The following NMBR variants were observed in gnomAD, a reference collection of about 807,000 sequenced individuals.
NMBR encodes the protein neuromedin-B receptor.
Under a neutral mutation model 20.5 loss-of-function variants are expected in NMBR, and 16 were observed. The observed-to-expected ratio is 0.78, with a 90% CI of 0.53 to 1.19. The LOEUF (loss-of-function observed/expected upper bound fraction) is 1.19, where lower values mean the gene tolerates loss of function less well. Ranked by LOEUF, NMBR falls within the 50% of genes most tolerant of loss-of-function variation. NMBR has a pLI of 0.00. For missense variants in NMBR, 582 were observed against 499.1 expected (o/e 1.17, Z -1.58); for synonymous variants, 212 against 196.6 (o/e 1.08, Z -0.65).
At chr6:142,107,233 C>T (rs1041828009) in intron 1 of NMBR, among the ~76,000 whole-genome samples, 1 of 152,138 alleles carries the variant, frequency 6.6e-6, no homozygotes, top group Non-Finnish European at 1.5e-5. Flanking sequence ...GACCCACTCT[C>T]TTTATTCCAC....
chr6:142,119,156 T>C (rs147116668), intron 1 of NMBR, among the ~76,000 whole-genome samples: 45 of 152,006 alleles, frequency 3.0e-4, no homozygotes, highest in African/African-American at 8.9e-4. Context: ...CTCTAGGAAA[T>C]GACATAAGCT....
intron 1 of NMBR, among the ~76,000 whole-genome samples, chr6:142,136,893 C>T (rs1202067869): frequency 6.6e-6 from 1 of 152,170 alleles, no homozygotes; most frequent in Admixed American, 6.5e-5. Flanking sequence ...GTTTTGGTTA[C>T]TGTAGCCTTG....
In NMBR at chr6:142,078,867, C is replaced by T. The variant is rs149123905; in HGVS notation, c.459G>A (p.Thr153=). 141 of 1,613,138 alleles carry T rather than the reference C, an allele frequency of 8.7e-5. No homozygotes were observed. Among genetic ancestry groups the T allele is most frequent in the South Asian group, 4.5e-4 (41 of 91,034 alleles). ...RAIVNPMDMQ[T]SGALLRTCVK... ...CACAGGTCCGCAGCAATGCCCCTGA[C>T]GTCTGCATGTCCATGGGGTTAACGA... is the stretch of plus-strand genomic sequence containing the variant. Residue 153 remains threonine, a synonymous_variant, in exon 3 of 4, where the codon ACG becomes ACA. Transcript: ENST00000258042.
In NMBR at chr6:142,088,690, T is replaced by A; in HGVS notation, c.-32A>T. The A allele has an allele frequency of 1.3e-6, 2 of 1,573,096 alleles. No individual in the cohort carries two copies. The highest frequency in any genetic ancestry group is 1.7e-6 in the Non-Finnish European group (2 of 1,163,234). ...CTTTCCAGCAGAGTCCGCTGGAGTT[T>A]TCACGCGCTCCGGTGCCCTGAGGAC... is the stretch of plus-strand genomic sequence containing the variant. On this transcript the variant is annotated 5_prime_UTR_variant, in exon 2 of 4. Transcript: ENST00000258042.
rs1776892889 is a variant in NMBR at position 142,074,652 on chromosome 6, T to C, written c.*996A>G. On this transcript the variant is annotated 3_prime_UTR_variant, in exon 4 of 4. Coordinates refer to ENST00000258042, the MANE Select transcript of NMBR (RefSeq NM_002511.4). ...TTGCCTAAGTGTGATCCCACATACT[T>C]GTCAGTTGGGTATTGCAAGAGAGGA... is the stretch of plus-strand genomic sequence containing the variant. 1.3e-5 allele frequency among the ~76,000 whole-genome samples: 2 copies of C among 152,028 alleles called. No homozygotes were observed. The highest frequency in any genetic ancestry group is 2.9e-5 in the Non-Finnish European group (2 of 67,936).
intron 2 of NMBR, among the ~76,000 whole-genome samples, chr6:142,085,138 C>G (rs949175010): frequency 6.6e-6 from 1 of 152,196 alleles, no homozygotes. Context: ...TGATGTGCCT[C>G]TGAGGCATGA....
intron 1 of NMBR, among the ~76,000 whole-genome samples, chr6:142,135,847 A>C (rs1435640936): frequency 6.6e-6 from 1 of 151,788 alleles, no homozygotes; most frequent in African/African-American, 2.4e-5. Context: ...ATGGCTGCAT[A>C]GTATTCCATG....
intron 1 of NMBR, among the ~76,000 whole-genome samples, chr6:142,118,406 A>AGATT (rs1777888005): frequency 6.6e-6 from 1 of 151,994 alleles, no homozygotes; most frequent in South Asian, 2.1e-4. Context: ...TATATGATGC[A>AGATT]GATTGTCTCA....
At chr6:142,086,349 TACAATTGATTCC>T (rs1308446621) in intron 2 of NMBR, among the ~76,000 whole-genome samples, 1 of 152,202 alleles carries the variant, frequency 6.6e-6, no homozygotes. Flanking sequence ...CAATTAATCC[TACAATTGATTCC>T]ACATCCACAA....
chr6:142,080,177 T>G (rs1317319064), intron 2 of NMBR, among the ~76,000 whole-genome samples: 1 of 152,094 alleles, frequency 6.6e-6, no homozygotes, highest in African/African-American at 2.4e-5. Context: ...AGCTTTACTT[T>G]CCATCATTTT....
chr6:142,098,530 G>A (rs9496267), intron 1 of NMBR, among the ~76,000 whole-genome samples: 18,351 of 151,990 alleles, frequency 0.12, 1,372 homozygotes, highest in African/African-American at 0.2. Context: ...CCTATATACC[G>A]TCAATTACTA....
chr6:142,077,977 AG>A (rs1776983987), intron 3 of NMBR, among the ~76,000 whole-genome samples: 1 of 152,228 alleles, frequency 6.6e-6, no homozygotes, highest in African/African-American at 2.4e-5. Flanking sequence ...TTATCTTTGT[AG>A]GGAAAGTTAC....
chr6:142,107,854 C>A (rs573674790), intron 1 of NMBR, among the ~76,000 whole-genome samples: 38 of 139,540 alleles, frequency 2.7e-4, no homozygotes, highest in African/African-American at 9.0e-4. Context: ...AATGTCTCAA[C>A]AAATAGAGAC....
chr6:142,125,228 A>G (rs1415224337), intron 1 of NMBR, among the ~76,000 whole-genome samples: 1 of 151,864 alleles, frequency 6.6e-6, no homozygotes, highest in African/African-American at 2.4e-5. Context: ...TGTCATGAGA[A>G]GAAGGGTAAA....
At chr6:142,096,232 T>A (rs1299534446) in intron 1 of NMBR, among the ~76,000 whole-genome samples, 10 of 152,194 alleles carry the variant, frequency 6.6e-5, no homozygotes, top group African/African-American at 2.4e-4. Context: ...CTAGTTCTTT[T>A]AATTGTGATG....
chr6:142,076,439 A>C (rs1776951071), intron 3 of NMBR, among the ~76,000 whole-genome samples: 1 of 152,204 alleles, frequency 6.6e-6, no homozygotes, highest in Non-Finnish European at 1.5e-5. Flanking sequence ...TTTTAAAAAA[A>C]TCAGGGTGTT....
chr6:142,107,782 T>C (rs1012827502), intron 1 of NMBR, among the ~76,000 whole-genome samples: 1 of 151,958 alleles, frequency 6.6e-6, no homozygotes, highest in Non-Finnish European at 1.5e-5. Context: ...TCAAAGCATC[T>C]AATATAAATA....
chr6:142,130,819 G>A (rs1490244720), intron 1 of NMBR, among the ~76,000 whole-genome samples: 1 of 152,038 alleles, frequency 6.6e-6, no homozygotes, highest in African/African-American at 2.4e-5. Context: ...GGAGCTACAG[G>A]CCACTGACAA....
chr6:142,142,387 A>G (rs1200749985), intron 1 of NMBR, among the ~76,000 whole-genome samples: 3 of 152,326 alleles, frequency 2.0e-5, no homozygotes, highest in African/African-American at 7.2e-5. Context: ...TACAAATAGG[A>G]TCCAGCAATA....
Sources: allele counts gnomAD v4.1 joint callset (sites outside exome capture counted in the v4.1 genomes callset), GRCh38; gene constraint gnomAD v4.1.1; transcripts MANE v1.5; gene names NCBI Gene and HGNC (gene_info 2026-07-23, HGNC 2026-07-21).